Variants in SNTG1 observed in about 807,000 individuals in gnomAD.
SNTG1 encodes syntrophin gamma 1.
A neutral mutation model predicts 74.7 loss-of-function variants in SNTG1; 39 were observed. The observed-to-expected ratio is 0.52, with a 90% CI of 0.40 to 0.68. SNTG1 has a LOEUF of 0.68. SNTG1 is among the 30% of genes least tolerant of loss of function. The pLI, the probability that SNTG1 is intolerant of heterozygous loss-of-function variation, is 0.00. For synonymous variants in SNTG1, 254 were observed against 217.1 expected (o/e 1.17, Z -1.49); for missense variants, 685 against 609.5 (o/e 1.12, Z -1.30).
At chr8:50,114,204 C>T (rs1040575302) in intron 1 of SNTG1, among the ~76,000 whole-genome samples, 38 of 151,880 alleles carry the variant, frequency 2.5e-4, no homozygotes, top group Non-Finnish European at 4.6e-4. Context: ...AACTAAAAAG[C>T]AGTTGGAATT....
chr8:50,692,044 C>A (rs537176146), intron 15 of SNTG1, among the ~76,000 whole-genome samples: 18 of 152,160 alleles, frequency 1.2e-4, no homozygotes, highest in Admixed American at 2.0e-4. Flanking sequence ...ATCTCATCAG[C>A]TACTGAGGCT....
At chr8:50,094,474 A>G (rs1372674000) in intron 1 of SNTG1, among the ~76,000 whole-genome samples, 1 of 152,204 alleles carries the variant, frequency 6.6e-6, no homozygotes, top group Non-Finnish European at 1.5e-5. Context: ...AGGAACCTAA[A>G]GAAATCAACA....
At chr8:50,055,135 G>T (rs1277801824) in intron 1 of SNTG1, among the ~76,000 whole-genome samples, 1 of 152,062 alleles carries the variant, frequency 6.6e-6, no homozygotes, top group Non-Finnish European at 1.5e-5. Context: ...CTGCTTCAAT[G>T]GCTCCACCTA....
chr8:50,786,970 G>A (rs541098346), intron 18 of SNTG1, among the ~76,000 whole-genome samples: 2 of 151,808 alleles, frequency 1.3e-5, no homozygotes, highest in East Asian at 1.9e-4. Context: ...GAATCAAAGG[G>A]GAAAAAAATA....
chr8:50,650,317 TTTAA>T (rs1455226757), intron 13 of SNTG1, among the ~76,000 whole-genome samples: 1 of 152,238 alleles, frequency 6.6e-6, no homozygotes, highest in East Asian at 1.9e-4. Flanking sequence ...AAGTTATTTA[TTTAA>T]TTAATAAATT....
intron 1 of SNTG1, among the ~76,000 whole-genome samples, chr8:50,064,481 T>C (rs1320693429): frequency 6.6e-6 from 1 of 152,168 alleles, no homozygotes; most frequent in East Asian, 1.9e-4. Flanking sequence ...TTTGCACTTT[T>C]TACCTTTGCA....
chr8:50,361,327 C>T (rs565014581), intron 2 of SNTG1, among the ~76,000 whole-genome samples: 2 of 152,250 alleles, frequency 1.3e-5, no homozygotes, highest in South Asian at 4.1e-4. Flanking sequence ...TTCTGAATAC[C>T]TCTGGAAGGA....
chr8:49,925,147 T>G (rs562488411), intron 1 of SNTG1, among the ~76,000 whole-genome samples: 1 of 152,240 alleles, frequency 6.6e-6, no homozygotes, highest in South Asian at 2.1e-4. Flanking sequence ...AACCAGTACC[T>G]GTCTCTAAAA....
chr8:50,349,899 G>C (rs1327035482), intron 2 of SNTG1, among the ~76,000 whole-genome samples: 2 of 152,136 alleles, frequency 1.3e-5, no homozygotes, highest in African/African-American at 4.8e-5. Flanking sequence ...GGCTCCCTCA[G>C]TTTGCAGGGA....
intron 15 of SNTG1, among the ~76,000 whole-genome samples, chr8:50,669,477 C>G (rs1586021700): frequency 6.6e-6 from 1 of 152,098 alleles, no homozygotes; most frequent in Non-Finnish European, 1.5e-5. Flanking sequence ...TACACCATCC[C>G]AAGACTAAAC....
intron 18 of SNTG1, among the ~76,000 whole-genome samples, chr8:50,775,710 G>A (rs755372943): frequency 2.2e-4 from 34 of 151,780 alleles, no homozygotes; most frequent in Non-Finnish European, 4.0e-4. Flanking sequence ...TAAGAGAGAT[G>A]TTGAAGTCTT....
chr8:50,010,817 G>GGAGGGGGAA lies in SNTG1; in HGVS notation c.-103+98591_-103+98599dup, dbSNP rs1393597020. ...TTTTTTTTTTTTTTTTTGGTGAGGT[G>GGAGGGGGAA]GAGGGGGAAGAGGAGGAAGTTAGTT... is the stretch of plus-strand genomic sequence containing the variant. On this transcript the variant is annotated intron_variant, in intron 1 of 18. Coordinates refer to ENST00000642720, the MANE Select transcript of SNTG1 (RefSeq NM_018967.5). Among the ~76,000 whole-genome samples the GGAGGGGGAA allele has an allele frequency of 2.8e-5, 4 of 142,460 alleles. No homozygotes were observed. In the East Asian group the frequency reaches 6.2e-4, roughly 22 times the overall value. The allele number at this position is 142,460 out of a possible 152,430, so 93.5% of individuals were successfully genotyped here.
At chr8:50,009,764 G>A (rs1410759549) in intron 1 of SNTG1, among the ~76,000 whole-genome samples, 5 of 152,246 alleles carry the variant, frequency 3.3e-5, no homozygotes, top group Non-Finnish European at 5.9e-5. Flanking sequence ...GTGGAAGGCC[G>A]AGGTGGGTGG....
chr8:50,582,138 G>C (rs1332776175), intron 12 of SNTG1, among the ~76,000 whole-genome samples: 5 of 152,032 alleles, frequency 3.3e-5, no homozygotes, highest in Admixed American at 3.3e-4. Context: ...GAGGGTTTTT[G>C]GTTGTTTGAT....
At chr8:50,588,766 G>A (rs141903013) in intron 12 of SNTG1, among the ~76,000 whole-genome samples, 22 of 152,082 alleles carry the variant, frequency 1.4e-4, no homozygotes, top group African/African-American at 3.4e-4. Context: ...ACTAAGAGGC[G>A]CACAATTTAT....
intron 13 of SNTG1, among the ~76,000 whole-genome samples, chr8:50,598,914 C>A (rs1405857386): frequency 6.6e-6 from 1 of 151,706 alleles, no homozygotes; most frequent in Non-Finnish European, 1.5e-5. Flanking sequence ...ATGTTGATTG[C>A]ATATTCTGCA....
Position 50,656,953 on chromosome 8 carries a change from C to A in SNTG1, c.894C>A (p.Leu298=). 1 of 1,602,590 alleles carries A rather than the reference C, an allele frequency of 6.2e-7. No individual in the cohort carries two copies. Among genetic ancestry groups the A allele is most frequent in the Non-Finnish European group, 8.5e-7 (1 of 1,174,290 alleles). The stretch of plus-strand genomic sequence containing the variant: ...GTGAAGCCCGGGAGCAAGACCCCCT[C>A]CAGGACAGAGTGTACTCCCCGACCT... ...GWCEAREQDP[L]QDRVYSPTFL... The change falls in exon 14 of 19, where the codon CTC becomes CTA. Residue 298 remains leucine, a synonymous_variant. Coordinates refer to ENST00000642720, the MANE Select transcript of SNTG1 (RefSeq NM_018967.5).
chr8:50,193,232 C>T (rs1407147071), intron 2 of SNTG1, among the ~76,000 whole-genome samples: 2 of 152,044 alleles, frequency 1.3e-5, no homozygotes, highest in African/African-American at 4.8e-5. Flanking sequence ...TTGTAAATTA[C>T]TTTTGGCAGT....
chr8:50,261,254 A>G (rs539326933), intron 2 of SNTG1, among the ~76,000 whole-genome samples: 4 of 152,326 alleles, frequency 2.6e-5, no homozygotes, highest in African/African-American at 9.6e-5. Context: ...CAAGTAAAAT[A>G]TTTAAAGTTT....
Sources: allele counts gnomAD v4.1 joint callset (sites outside exome capture counted in the v4.1 genomes callset), GRCh38; gene constraint gnomAD v4.1.1; transcripts MANE v1.5; gene names NCBI Gene and HGNC (gene_info 2026-07-23, HGNC 2026-07-21).